The following BTBD9 variants were observed in gnomAD, a reference collection of about 807,000 sequenced individuals.
BTBD9 encodes the protein BTB/POZ domain-containing protein 9.
A neutral mutation model predicts 64.3 loss-of-function variants in BTBD9; 49 were observed. That is an observed-to-expected ratio of 0.76 (90% confidence interval 0.61 to 0.97). BTBD9 has a LOEUF of 0.97. Ranked by LOEUF, BTBD9 falls within the 50% of genes least tolerant of loss-of-function variation. The pLI, the probability that BTBD9 is intolerant of heterozygous loss-of-function variation, is 0.00. For synonymous variants in BTBD9, 260 were observed against 274.7 expected, an observed-to-expected ratio of 0.95 and a Z score of 0.53; for missense variants, 598 against 762.1, an observed-to-expected ratio of 0.78 and a Z score of 2.53.
intron 6 of BTBD9, among the ~76,000 whole-genome samples, chr6:38,431,818 G>A (rs902618294): frequency 6.6e-6 from 1 of 151,880 alleles, no homozygotes; most frequent in Non-Finnish European, 1.5e-5. Flanking sequence ...CACTTTTTTA[G>A]TTTTTAAAAA....
chr6:38,473,915 TA>T (rs1258508568), intron 6 of BTBD9, among the ~76,000 whole-genome samples: 2 of 152,088 alleles, frequency 1.3e-5, no homozygotes, highest in African/African-American at 2.4e-5. Context: ...AGATGAAGAC[TA>T]GGGGAAGAGT....
chr6:38,605,076 T>C (rs1389558438), intron 1 of BTBD9, among the ~76,000 whole-genome samples: 6 of 152,012 alleles, frequency 3.9e-5, no homozygotes, highest in African/African-American at 1.4e-4. Context: ...AAAGGCAATC[T>C]TGCTCTGTCA....
intron 1 of BTBD9, among the ~76,000 whole-genome samples, chr6:38,618,014 A>G (rs1160706217): frequency 6.6e-6 from 1 of 152,206 alleles, no homozygotes; most frequent in Non-Finnish European, 1.5e-5. Context: ...GTCTAGGAGG[A>G]AAACAAGTAT....
Position 38,578,484 on chromosome 6 carries a change from T to C in BTBD9, c.1035-765A>G, listed in dbSNP as rs145553995. Among the ~76,000 whole-genome samples the C allele has an allele frequency of 5.6e-4, 85 of 152,302 alleles. 2 individuals carry two copies. Among genetic ancestry groups the C allele is most frequent in the East Asian group, 3.9e-3 (20 of 5,190 alleles). ...TGAGATGCAGTTATTACTTGTACTG[T>C]AATATCAACAGGAACAATCTTGGAA... On this transcript the variant is annotated intron_variant, in intron 5 of 10. Transcript: ENST00000481247.
rs535671377 is a variant in BTBD9, at chr6:38,456,827, A to C, written c.1155-111734T>G. 3.3e-5 allele frequency among the ~76,000 whole-genome samples: 5 copies of C among 152,320 alleles called. No homozygotes were observed. The South Asian group carries it at 1.0e-3, about 32-fold the overall frequency. ...TAGTCTTTTTTACTTATCTTCTCAAATATCAGCTAGTTAAAGAAATATATC... is the reference window on the plus strand; with the variant it reads ...TAGTCTTTTTTACTTATCTTCTCAACTATCAGCTAGTTAAAGAAATATATC... On this transcript the variant is annotated intron_variant, in intron 6 of 10. Transcript: ENST00000481247.
At chr6:38,617,976 A>T (rs1318225658) in intron 1 of BTBD9, among the ~76,000 whole-genome samples, 2 of 152,184 alleles carry the variant, frequency 1.3e-5, no homozygotes, top group African/African-American at 4.8e-5. Context: ...AGAGCCACTA[A>T]ATCTGACCTT....
chr6:38,577,695 C>T lies in BTBD9; in HGVS notation c.1059G>A (p.Val353=). The T allele has an allele frequency of 6.2e-7, 1 of 1,608,922 alleles. No individual in the cohort carries two copies. The highest frequency in any genetic ancestry group is 8.5e-7 in the Non-Finnish European group (1 of 1,178,844). ...TGACCCAATCAAGTTCATCCATTGA[C>T]ACTTCAATGAAGTATGAGTAAGACC... ...DSRSYSYFIE[V]SMDELDWVRV... Residue 353 remains valine, a synonymous_variant, in exon 6 of 11, where the codon GTG becomes GTA. Coordinates refer to ENST00000481247, the MANE Select transcript of BTBD9 (RefSeq NM_001099272.2).
Position 38,430,116 on chromosome 6 carries a change from T to C in BTBD9, c.1155-85023A>G, listed in dbSNP as rs1033664871. ...AAGGTAGGAGATTATAATTCTGTTT[T>C]GTCACTGATAGCAAATAACATCAGA... On this transcript the variant is annotated intron_variant, in intron 6 of 10. Transcript: ENST00000481247. Among the ~76,000 whole-genome samples, 43 of 152,070 alleles carry C rather than the reference T, an allele frequency of 2.8e-4. 2 individuals carry two copies. The highest frequency in any genetic ancestry group is 8.0e-4 in the African/African-American group (33 of 41,300).
At chr6:38,263,789 G>C (rs1410065457) in intron 8 of BTBD9, among the ~76,000 whole-genome samples, 1 of 152,164 alleles carries the variant, frequency 6.6e-6, no homozygotes, top group Non-Finnish European at 1.5e-5. Flanking sequence ...TATTCCGTGA[G>C]AAATCTTCTA....
chr6:38,412,128 A>G (rs1767455849), intron 6 of BTBD9, among the ~76,000 whole-genome samples: 2 of 152,118 alleles, frequency 1.3e-5, no homozygotes, highest in Non-Finnish European at 2.9e-5. Flanking sequence ...ACTACATAAA[A>G]AACAAAATTC....
intron 8 of BTBD9, among the ~76,000 whole-genome samples, chr6:38,286,074 T>C (rs1363012700): frequency 6.6e-6 from 1 of 152,212 alleles, no homozygotes; most frequent in Non-Finnish European, 1.5e-5. Context: ...GTAGCTGATG[T>C]GGCTTGTCTC....
At chr6:38,413,759 C>T (rs541508528) in intron 6 of BTBD9, among the ~76,000 whole-genome samples, 11 of 152,296 alleles carry the variant, frequency 7.2e-5, no homozygotes, top group African/African-American at 2.4e-4. Flanking sequence ...CACACAACTA[C>T]TATTTTTTTT....
intron 6 of BTBD9, chr6:38,481,914 C>G (rs1771166638): frequency 1.3e-5 from 2 of 152,120 alleles, no homozygotes; most frequent in South Asian, 4.1e-4. Flanking sequence ...CTGGAGTGCC[C>G]AAGGAACATT....
chr6:38,603,841 ATGG>A (rs1274759004), intron 1 of BTBD9, among the ~76,000 whole-genome samples: 4 of 152,194 alleles, frequency 2.6e-5, no homozygotes, highest in Non-Finnish European at 5.9e-5. Flanking sequence ...TTACAAGCAT[ATGG>A]TTTAGCAATT....
chr6:38,605,550 A>G (rs1055094163), intron 1 of BTBD9, among the ~76,000 whole-genome samples: 1 of 152,186 alleles, frequency 6.6e-6, no homozygotes, highest in African/African-American at 2.4e-5. Flanking sequence ...GAATTTTCCA[A>G]AAGTTATCTA....
In BTBD9 at chr6:38,267,996, G is replaced by A. The variant is rs114273670; in HGVS notation, c.1455-11480C>T. Among the ~76,000 whole-genome samples the A allele has an allele frequency of 6.4e-3, 971 of 152,152 alleles. 7 individuals are homozygous for A. Among genetic ancestry groups the A allele is most frequent in the African/African-American group, 0.021 (871 of 41,512 alleles). ...AGGAGAAATGAGGAGCAGAAGAGGC[G>A]AATTATGATGGAAAGAGGTGAGGCA... On this transcript the variant is annotated intron_variant, in intron 8 of 10. Coordinates refer to ENST00000481247, the MANE Select transcript of BTBD9 (RefSeq NM_001099272.2).
At chr6:38,632,945 T>A (rs1205305228) in intron 1 of BTBD9, among the ~76,000 whole-genome samples, 1 of 151,720 alleles carries the variant, frequency 6.6e-6, no homozygotes, top group East Asian at 1.9e-4. Flanking sequence ...TTGAAAAAAA[T>A]AAAAATAAAT....
At chr6:38,247,065 TTTG>T (rs1482596344) in intron 9 of BTBD9, among the ~76,000 whole-genome samples, 13 of 152,298 alleles carry the variant, frequency 8.5e-5, no homozygotes, top group African/African-American at 2.9e-4. Flanking sequence ...ACCCAAAGTT[TTTG>T]TTAAGTGTGA....
At chr6:38,206,154 T>C (rs1032909894) in intron 9 of BTBD9, among the ~76,000 whole-genome samples, 6 of 151,796 alleles carry the variant, frequency 4.0e-5, no homozygotes, top group African/African-American at 7.3e-5. Context: ...CAAATTGTGT[T>C]GTGGGGGAAG....
Sources: allele counts gnomAD v4.1 joint callset (sites outside exome capture counted in the v4.1 genomes callset), GRCh38; gene constraint gnomAD v4.1.1; transcripts MANE v1.5; gene names NCBI Gene and HGNC (gene_info 2026-07-23, HGNC 2026-07-21).